CEP128: variants seen among roughly 807,000 people sequenced by gnomAD.
CEP128 encodes centrosomal protein 128.
A neutral mutation model predicts 156.7 loss-of-function variants in CEP128; 132 were observed. The observed-to-expected ratio is 0.84, with a 90% confidence interval of 0.73 to 0.97. The LOEUF (loss-of-function observed/expected upper bound fraction) is 0.97, where lower values mean the gene tolerates loss of function less well. CEP128 is among the 50% of genes least tolerant of loss of function. The pLI, the probability that CEP128 is intolerant of heterozygous loss-of-function variation, is 0.00. For synonymous variants in CEP128, 469 were observed against 448.9 expected (o/e 1.04, Z -0.57); for missense variants, 1,252 against 1,281.9 (o/e 0.98, Z 0.36).
chr14:80,518,446 T>C (rs893127119), intron 23 of CEP128, among the ~76,000 whole-genome samples: 2 of 152,072 alleles, frequency 1.3e-5, no homozygotes, highest in African/African-American at 4.8e-5. Flanking sequence ...TAATTAGCTG[T>C]TGTTGGGGAA....
chr14:80,842,139 T>C (rs1355525642), intron 9 of CEP128, among the ~76,000 whole-genome samples: 1 of 152,072 alleles, frequency 6.6e-6, no homozygotes, highest in African/African-American at 2.4e-5. Flanking sequence ...TACTTTTCTA[T>C]TATAGCTCTA....
Position 80,642,989 on chromosome 14 carries a change from C to T in CEP128, c.2807-62566G>A, listed in dbSNP as rs369273614. 3.9e-5 allele frequency among the ~76,000 whole-genome samples: 6 copies of T among 151,944 alleles called. No individual in the cohort carries two copies. The South Asian group carries it at 6.2e-4, about 16-fold the overall frequency. On this transcript the variant is annotated intron_variant, in intron 19 of 24. Transcript: ENST00000555265. ...CAGGATGGTCTGGATCTCCTGACCTCGTGATCTGCCTGCCTCAGCCTCCCA... is the reference window on the plus strand; with the variant it reads ...CAGGATGGTCTGGATCTCCTGACCTTGTGATCTGCCTGCCTCAGCCTCCCA...
At chr14:80,614,966 T>C (rs570811516) in intron 19 of CEP128, among the ~76,000 whole-genome samples, 17 of 152,196 alleles carry the variant, frequency 1.1e-4, no homozygotes, top group Non-Finnish European at 2.4e-4. Context: ...ACCAAATATA[T>C]ACCTGTGCAA....
intron 19 of CEP128, among the ~76,000 whole-genome samples, chr14:80,692,575 T>A (rs28605383): frequency 0.044 from 6,671 of 152,250 alleles, 298 homozygotes; most frequent in African/African-American, 0.12. Context: ...TGTCCTCCAT[T>A]ATATCTCCTT....
chr14:80,554,684 C>G (rs1890353925), intron 21 of CEP128, among the ~76,000 whole-genome samples: 1 of 151,818 alleles, frequency 6.6e-6, no homozygotes, highest in Non-Finnish European at 1.5e-5. Flanking sequence ...TCTCCAAGAC[C>G]TGTAGCTATA....
chr14:80,500,726 G>A (rs1413307159), intron 24 of CEP128, among the ~76,000 whole-genome samples: 1 of 152,100 alleles, frequency 6.6e-6, no homozygotes, highest in African/African-American at 2.4e-5. Flanking sequence ...ACATGGAGAA[G>A]CCTATATTGC....
intron 19 of CEP128, among the ~76,000 whole-genome samples, chr14:80,597,504 T>C (rs1374603665): frequency 6.6e-6 from 1 of 152,032 alleles, no homozygotes; most frequent in African/African-American, 2.4e-5. Flanking sequence ...CAAAGAAGAA[T>C]TGGTACCAGT....
intron 2 of CEP128, among the ~76,000 whole-genome samples, chr14:80,930,953 C>G (rs1486655605): frequency 6.6e-6 from 1 of 152,140 alleles, no homozygotes; most frequent in Admixed American, 6.5e-5. Context: ...CCTCTTTTGG[C>G]TAGCACTATA....
At chr14:80,675,837 C>T (rs8006100) in intron 19 of CEP128, among the ~76,000 whole-genome samples, 49,050 of 151,774 alleles carry the variant, frequency 0.32, 10,163 homozygotes, top group African/African-American at 0.58. Context: ...CCCTCTATTC[C>T]CCCCTCAATG....
intron 19 of CEP128, among the ~76,000 whole-genome samples, chr14:80,695,260 C>T (rs902113105): frequency 1.3e-5 from 2 of 151,906 alleles, no homozygotes; most frequent in Non-Finnish European, 2.9e-5. Context: ...TGGGAAACAT[C>T]TGCTCAGAAA....
At chr14:80,536,264 T>C (rs1391155967) in intron 21 of CEP128, among the ~76,000 whole-genome samples, 1 of 152,214 alleles carries the variant, frequency 6.6e-6, no homozygotes, top group East Asian at 1.9e-4. Context: ...AAATATATTT[T>C]AGTATTTATA....
At chr14:80,880,234 A>C (rs1888465772) in intron 8 of CEP128, among the ~76,000 whole-genome samples, 1 of 152,116 alleles carries the variant, frequency 6.6e-6, no homozygotes, top group Non-Finnish European at 1.5e-5. Context: ...CCACATTATA[A>C]TCTCAACTGA....
chr14:80,930,431 A>G (rs1463447754), intron 2 of CEP128, among the ~76,000 whole-genome samples: 2 of 152,154 alleles, frequency 1.3e-5, no homozygotes, highest in Admixed American at 6.5e-5. Context: ...AGCTACCCCT[A>G]GCCAAAATGA....
At chr14:80,829,706 C>T (rs1045580879) in intron 13 of CEP128, among the ~76,000 whole-genome samples, 1 of 152,166 alleles carries the variant, frequency 6.6e-6, no homozygotes, top group African/African-American at 2.4e-5. Context: ...TTGTAAAAAC[C>T]TTTCCTCCAA....
At chr14:80,690,437 T>C (rs1427674977) in intron 19 of CEP128, among the ~76,000 whole-genome samples, 1 of 149,832 alleles carries the variant, frequency 6.7e-6, no homozygotes, top group Non-Finnish European at 1.5e-5. Flanking sequence ...AAAAGACAGT[T>C]TGATACTAAC....
chr14:80,774,047 G>A (rs1433056334), intron 16 of CEP128, among the ~76,000 whole-genome samples: 1 of 152,108 alleles, frequency 6.6e-6, no homozygotes, highest in Admixed American at 6.6e-5. Context: ...AAAATCAGAT[G>A]TTAGAAAAAA....
chr14:80,930,082 G>A (rs1885373784), intron 2 of CEP128, among the ~76,000 whole-genome samples: 1 of 152,216 alleles, frequency 6.6e-6, no homozygotes, highest in African/African-American at 2.4e-5. Context: ...GTACATGCAA[G>A]GGATCTAGGT....
intron 13 of CEP128, among the ~76,000 whole-genome samples, chr14:80,808,739 C>G (rs979476647): frequency 1.3e-5 from 2 of 152,038 alleles, no homozygotes; most frequent in African/African-American, 4.8e-5. Flanking sequence ...ACCAAGAAAA[C>G]AATGGATACC....
intron 13 of CEP128, among the ~76,000 whole-genome samples, chr14:80,812,349 G>T (rs540593017): frequency 6.6e-6 from 1 of 152,328 alleles, no homozygotes; most frequent in South Asian, 2.1e-4. Flanking sequence ...ATTGTGAATA[G>T]TGTTGCAATG....
Sources: gnomAD v4.1 joint callset for allele counts (sites outside exome capture counted in the v4.1 genomes callset) on GRCh38, gnomAD v4.1.1 for gene constraint, MANE v1.5 for transcripts, NCBI Gene and HGNC (gene_info 2026-07-23, HGNC 2026-07-21) for gene names.